Variants in FHIP1A observed in about 807,000 individuals in gnomAD.
The protein encoded by FHIP1A is FHF complex subunit HOOK interacting protein 1A.
Under a neutral mutation model 88.6 loss-of-function variants are expected in FHIP1A, and 61 were observed. That is an observed-to-expected ratio of 0.69 (90% CI 0.56 to 0.85). FHIP1A has a LOEUF of 0.85. Among genes scored for constraint, FHIP1A ranks in the 40% least tolerant of loss-of-function variants. FHIP1A has a pLI of 0.00. For missense variants in FHIP1A, 1,154 were observed against 1,273.5 expected (o/e 0.91, Z 1.43); for synonymous variants, 478 against 496.0 (o/e 0.96, Z 0.48).
At chr4:151,582,358 T>C (rs996314867) in intron 5 of FHIP1A, among the ~76,000 whole-genome samples, 2 of 152,216 alleles carry the variant, frequency 1.3e-5, no homozygotes, top group East Asian at 1.9e-4. Flanking sequence ...TTCTTTCTTT[T>C]TTTTTTTGTA....
intron 4 of FHIP1A, among the ~76,000 whole-genome samples, chr4:151,574,179 A>G (rs139680287): frequency 1.7e-3 from 256 of 152,376 alleles, no homozygotes; most frequent in African/African-American, 5.9e-3. Flanking sequence ...TGTGTGTTCC[A>G]TGACTCACAT....
At chr4:151,625,820 A>G (rs1263795443) in intron 7 of FHIP1A, among the ~76,000 whole-genome samples, 1 of 152,200 alleles carries the variant, frequency 6.6e-6, no homozygotes, top group Non-Finnish European at 1.5e-5. Flanking sequence ...CCTAAGACAA[A>G]AAAGAGTAGA....
intron 8 of FHIP1A, among the ~76,000 whole-genome samples, chr4:151,637,620 T>C (rs1390326138): frequency 6.6e-6 from 1 of 152,170 alleles, no homozygotes; most frequent in East Asian, 1.9e-4. Context: ...ATGGTAATAT[T>C]GTGAGACAGA....
chr4:151,585,698 A>T (rs1267537953), intron 5 of FHIP1A, among the ~76,000 whole-genome samples: 1 of 152,186 alleles, frequency 6.6e-6, no homozygotes, highest in African/African-American at 2.4e-5. Context: ...TTCTGTCTCT[A>T]TTAAAGGCAT....
At chr4:151,532,832 A>AAAATG (rs1458887470) in intron 3 of FHIP1A, among the ~76,000 whole-genome samples, 1 of 152,108 alleles carries the variant, frequency 6.6e-6, no homozygotes, top group Non-Finnish European at 1.5e-5. Flanking sequence ...GCAGCAAGAG[A>AAAATG]AAATGAAGAA....
chr4:151,443,289 C>G (rs539415432), intron 1 of FHIP1A, among the ~76,000 whole-genome samples: 1 of 152,094 alleles, frequency 6.6e-6, no homozygotes, highest in Admixed American at 6.5e-5. Context: ...CAGAGCGAGA[C>G]TGTCTTAAAG....
intron 7 of FHIP1A, among the ~76,000 whole-genome samples, chr4:151,608,144 A>G (rs1203238583): frequency 7.1e-6 from 1 of 140,252 alleles, no homozygotes; most frequent in Non-Finnish European, 1.5e-5. Context: ...TCCCAGATTC[A>G]AGCGATTCTC....
intron 9 of FHIP1A, among the ~76,000 whole-genome samples, chr4:151,639,450 C>T (rs1736487375): frequency 6.6e-6 from 1 of 152,242 alleles, no homozygotes; most frequent in Admixed American, 6.5e-5. Context: ...AATCCCTCTT[C>T]TTCTCTGGAA....
At chr4:151,416,461 T>C (rs1483264377) in intron 1 of FHIP1A, among the ~76,000 whole-genome samples, 1 of 152,174 alleles carries the variant, frequency 6.6e-6, no homozygotes, top group African/African-American at 2.4e-5. Context: ...ACAAATGTAA[T>C]TTCTATACAC....
intron 11 of FHIP1A, among the ~76,000 whole-genome samples, chr4:151,654,145 C>T (rs1314769781): frequency 6.6e-6 from 1 of 151,114 alleles, no homozygotes; most frequent in Non-Finnish European, 1.5e-5. Context: ...TTTTTAATTA[C>T]ACATGCCCAA....
rs190323126 is a variant in FHIP1A, at chr4:151,550,731, A to G, written c.-122-15407A>G. On this transcript the variant is annotated intron_variant, in intron 3 of 13. Coordinates refer to ENST00000435205, the MANE Select transcript of FHIP1A (RefSeq NM_001109977.3). ...ATATGTAGTTTCTTAGTTGATGGAT[A>G]CTGTGGTTCTAGTTGCTTGACATCC... Among the ~76,000 whole-genome samples the G allele has an allele frequency of 3.9e-3, 599 of 152,318 alleles. 3 individuals carry two copies. The highest frequency in any genetic ancestry group is 7.1e-3 in the Non-Finnish European group (484 of 68,038).
At chr4:151,440,040 G>C (rs772870805) in intron 1 of FHIP1A, among the ~76,000 whole-genome samples, 5 of 152,186 alleles carry the variant, frequency 3.3e-5, no homozygotes, top group Non-Finnish European at 7.3e-5. Flanking sequence ...TCACAGTTCT[G>C]CATGGCTGGG....
chr4:151,508,610 A>C (rs746779013), intron 3 of FHIP1A, among the ~76,000 whole-genome samples: 1 of 152,208 alleles, frequency 6.6e-6, no homozygotes, highest in African/African-American at 2.4e-5. Flanking sequence ...CAAAAAATTC[A>C]GCAGTATACT....
chr4:151,624,928 G>A (rs1013094406), intron 7 of FHIP1A, among the ~76,000 whole-genome samples: 6 of 152,202 alleles, frequency 3.9e-5, no homozygotes, highest in African/African-American at 1.4e-4. Flanking sequence ...TGCTTGCTGA[G>A]AACCAGGGCG....
chr4:151,493,640 T>G (rs1444653428), intron 3 of FHIP1A, among the ~76,000 whole-genome samples: 4 of 152,242 alleles, frequency 2.6e-5, no homozygotes, highest in Non-Finnish European at 5.9e-5. Flanking sequence ...CAAGTGGATT[T>G]CATACCAGGG....
At chr4:151,560,838 C>A (rs1393402973) in intron 3 of FHIP1A, among the ~76,000 whole-genome samples, 1 of 151,956 alleles carries the variant, frequency 6.6e-6, no homozygotes, top group Non-Finnish European at 1.5e-5. Context: ...ATTCTAAATC[C>A]TTGCCTATAG....
At chr4:151,416,810 G>A (rs535583166) in intron 1 of FHIP1A, among the ~76,000 whole-genome samples, 3 of 151,558 alleles carry the variant, frequency 2.0e-5, no homozygotes, top group Non-Finnish European at 4.4e-5. Flanking sequence ...TTGAAGCAGG[G>A]TCTCACTCTG....
chr4:151,662,513 AG>A lies in FHIP1A; in HGVS notation c.2884del (p.Ala962LeufsTer22). On this transcript the variant is annotated frameshift_variant, in exon 14 of 14. Coordinates refer to ENST00000435205, the MANE Select transcript of FHIP1A (RefSeq NM_001109977.3). LOFTEE classifies it high-confidence loss of function. ...TTTCTGCTTTCAGATCCCATTCAGG[AG>A]GCTTCCAGGACAGGAAGTGGCAAGA... ...PAALTKDPIQ[E>X]ASRTGSGKNL... is the part of the protein sequence containing the mutation. 6.5e-7 allele frequency: 1 copy of A among 1,534,790 alleles called. No homozygotes were observed. The highest frequency in any genetic ancestry group is 8.8e-7 in the Non-Finnish European group (1 of 1,136,140).
intron 3 of FHIP1A, among the ~76,000 whole-genome samples, chr4:151,491,573 A>G (rs1730283171): frequency 6.6e-6 from 1 of 151,998 alleles, no homozygotes; most frequent in Non-Finnish European, 1.5e-5. Context: ...TAAAACAATA[A>G]CACAATGAAA....
Sources: allele counts gnomAD v4.1 joint callset (sites outside exome capture counted in the v4.1 genomes callset), GRCh38; gene constraint gnomAD v4.1.1; transcripts MANE v1.5; gene names NCBI Gene and HGNC (gene_info 2026-07-23, HGNC 2026-07-21).